C12orf42: variants seen among roughly 807,000 people sequenced by gnomAD.
C12orf42 encodes chromosome 12 open reading frame 42.
C12orf42 carries 25 observed loss-of-function variants against 21.6 expected under a neutral mutation model. The observed-to-expected ratio is 1.16, with a 90% CI of 0.84 to 1.62. The LOEUF is 1.62. Among genes scored for constraint, C12orf42 ranks in the 40% most tolerant of loss-of-function variants. The pLI is 0.00. For synonymous variants in C12orf42, 174 were observed against 175.0 expected, an observed-to-expected ratio of 0.99 and a Z score of 0.05; for missense variants, 483 against 459.3, an observed-to-expected ratio of 1.05 and a Z score of -0.47.
chr12:103,367,470 GA>G (rs921345038), intron 4 of C12orf42, among the ~76,000 whole-genome samples: 2 of 149,166 alleles, frequency 1.3e-5, no homozygotes, highest in Non-Finnish European at 3.0e-5. Flanking sequence ...AATAAAGAAA[GA>G]AAAAAAAAGA....
At chr12:103,556,726 C>A in the C12orf42 span, among the ~76,000 whole-genome samples, 9 of 152,104 alleles carry the variant, frequency 5.9e-5, no homozygotes, top group Non-Finnish European at 1.3e-4. Context: ...CTGTTCTAAT[C>A]CCCAGAGCCT....
At chr12:103,144,339 T>C in the C12orf42 span, among the ~76,000 whole-genome samples, 1 of 152,210 alleles carries the variant, frequency 6.6e-6, no homozygotes, top group Non-Finnish European at 1.5e-5. Context: ...AGTGCATTTG[T>C]AGGCAACCTT....
the C12orf42 span, among the ~76,000 whole-genome samples, chr12:103,177,096 C>CTA: frequency 6.7e-6 from 1 of 150,254 alleles, no homozygotes; most frequent in Admixed American, 6.7e-5. Context: ...CTTGCCTGAA[C>CTA]TATAACTGTT....
At chr12:103,235,097 C>T (rs975662921), downstream of C12orf42, among the ~76,000 whole-genome samples, 3 of 152,098 alleles carry the variant, frequency 2.0e-5, no homozygotes, top group African/African-American at 7.2e-5. Flanking sequence ...TGAGTTACAG[C>T]AAACTAATTG....
At chr12:103,182,892 A>G in the C12orf42 span, among the ~76,000 whole-genome samples, 1 of 152,220 alleles carries the variant, frequency 6.6e-6, no homozygotes, top group African/African-American at 2.4e-5. Flanking sequence ...CATTCTACTT[A>G]TACTTATTTC....
intron 4 of C12orf42, chr12:103,349,006 C>G (rs2042874185): frequency 6.6e-6 from 1 of 152,148 alleles, no homozygotes; most frequent in African/African-American, 2.4e-5. Flanking sequence ...ATATCCATAC[C>G]TCAAGTAAGT....
chr12:103,537,415 A>G, the C12orf42 span, among the ~76,000 whole-genome samples: 1 of 152,216 alleles, frequency 6.6e-6, no homozygotes, highest in Non-Finnish European at 1.5e-5. Context: ...TGACTTCCAT[A>G]GAACTAAAGT....
At chr12:103,063,483 A>G in the C12orf42 span, among the ~76,000 whole-genome samples, 1 of 152,192 alleles carries the variant, frequency 6.6e-6, no homozygotes, top group East Asian at 1.9e-4. Flanking sequence ...GTAAACTCTG[A>G]TGAAACTTTT....
chr12:103,071,221 A>G, the C12orf42 span, among the ~76,000 whole-genome samples: 1 of 152,004 alleles, frequency 6.6e-6, no homozygotes, highest in Non-Finnish European at 1.5e-5. Flanking sequence ...TACACCATAA[A>G]CCCTTCATCC....
the C12orf42 span, chr12:103,159,334 G>A: frequency 6.6e-6 from 1 of 152,158 alleles, no homozygotes; most frequent in African/African-American, 2.4e-5. Flanking sequence ...CCTAATGTTA[G>A]TGATGACACA....
chr12:103,154,705 G>A, the C12orf42 span, among the ~76,000 whole-genome samples: 6 of 151,868 alleles, frequency 4.0e-5, no homozygotes, highest in Non-Finnish European at 7.4e-5. Flanking sequence ...TCTATACTAG[G>A]GAAAAATTAG....
chr12:103,410,101 C>A (rs986621912), intron 2 of C12orf42, among the ~76,000 whole-genome samples: 1 of 152,148 alleles, frequency 6.6e-6, no homozygotes, highest in African/African-American at 2.4e-5. Flanking sequence ...ATCCAACATG[C>A]CAGCTGATGT....
At chr12:103,336,327 C>G (rs1338844040) in intron 4 of C12orf42, among the ~76,000 whole-genome samples, 1 of 152,172 alleles carries the variant, frequency 6.6e-6, no homozygotes, top group East Asian at 1.9e-4. Flanking sequence ...AGAAAGGCAG[C>G]TGATCTGGTG....
the C12orf42 span, among the ~76,000 whole-genome samples, chr12:103,166,173 C>G: frequency 2.6e-5 from 4 of 152,144 alleles, no homozygotes; most frequent in Non-Finnish European, 5.9e-5. Flanking sequence ...TAGCTCCCAG[C>G]AAGGACTCTG....
the C12orf42 span, among the ~76,000 whole-genome samples, chr12:103,198,055 C>A: frequency 2.6e-5 from 4 of 152,162 alleles, no homozygotes; most frequent in East Asian, 5.8e-4. Flanking sequence ...TGTGTGCTGC[C>A]AGCAGTAGAG....
At chr12:103,317,397 T>G (rs957102472) in intron 4 of C12orf42, among the ~76,000 whole-genome samples, 2 of 152,208 alleles carry the variant, frequency 1.3e-5, no homozygotes, top group African/African-American at 4.8e-5. Context: ...GGATACCGCC[T>G]CTTCCCCATG....
chr12:103,056,195 T>G, the C12orf42 span, among the ~76,000 whole-genome samples: 1 of 152,252 alleles, frequency 6.6e-6, no homozygotes. Flanking sequence ...TATCAGATTT[T>G]GCTGCTCAAA....
the C12orf42 span, among the ~76,000 whole-genome samples, chr12:103,165,299 C>G: frequency 1.4e-3 from 207 of 152,318 alleles, 3 homozygotes; most frequent in African/African-American, 4.7e-3. Flanking sequence ...AGGCACTTTC[C>G]CTATAAAAGA....
rs1298769066 is a variant in C12orf42, at chr12:103,291,965, A to C, written n.338-14755T>G. Among the ~76,000 whole-genome samples, 3 of 152,308 alleles carry C rather than the reference A, an allele frequency of 2.0e-5. No individual in the cohort carries two copies. In the East Asian group the frequency reaches 5.8e-4, roughly 29 times the overall value. ...CATATGTACACACAAAAACTGGTAC[A>C]TGAGTGTTGATAGCAGCATTATTCA... is the stretch of plus-strand genomic sequence containing the variant. On this transcript the variant is annotated intron_variant and non_coding_transcript_variant, in intron 4 of 6. Coordinates refer to the C12orf42 transcript ENST00000546526.
Sources: allele counts gnomAD v4.1 joint callset (sites outside exome capture counted in the v4.1 genomes callset), GRCh38; gene constraint gnomAD v4.1.1; transcripts MANE v1.5; gene names NCBI Gene and HGNC (gene_info 2026-07-23, HGNC 2026-07-21).